The following KIRREL3 variants were observed in gnomAD, a reference collection of about 807,000 sequenced individuals.
The protein encoded by KIRREL3 is kin of IRRE-like protein 3.
Under a neutral mutation model 89.7 loss-of-function variants are expected in KIRREL3, and 36 were observed. That is an observed-to-expected ratio of 0.40 (90% CI 0.31 to 0.53). KIRREL3 has a LOEUF of 0.53. KIRREL3 is among the 20% of genes least tolerant of loss of function. The pLI is 0.49. For missense variants in KIRREL3, 864 were observed against 1,056.6 expected (o/e 0.82, Z 2.53); for synonymous variants, 445 against 441.4 (o/e 1.01, Z -0.10).
intron 6 of KIRREL3, among the ~76,000 whole-genome samples, chr11:126,460,115 G>A (rs1591576602): frequency 6.6e-6 from 1 of 152,026 alleles, no homozygotes; most frequent in Admixed American, 6.5e-5. Context: ...GGAGCAGGAG[G>A]AGGGGGAAGG....
At chr11:126,834,363 C>T (rs778640121) in intron 1 of KIRREL3, among the ~76,000 whole-genome samples, 1 of 152,164 alleles carries the variant, frequency 6.6e-6, no homozygotes, top group Non-Finnish European at 1.5e-5. Flanking sequence ...TAATCGGTAT[C>T]GTGGTTAACA....
intron 1 of KIRREL3, among the ~76,000 whole-genome samples, chr11:126,589,799 A>G (rs1163308390): frequency 2.6e-5 from 4 of 152,072 alleles, no homozygotes; most frequent in Non-Finnish European, 5.9e-5. Flanking sequence ...CAGTGACTCA[A>G]CCCACTTTAT....
At position 126,463,223 on chromosome 11, in the gene KIRREL3, C is replaced by T. The variant is rs775958454; in HGVS notation, c.676G>A (p.Val226Met). Reference protein sequence around the residue: ...PGDVENGQSIVCRATNKAIPG... With the variant: ...PGDVENGQSIMCRATNKAIPG... ...ATGGCTTTGTTGGTGGCACGACACA[C>T]GATGCTCTGGCCATTCTCCACGTCA... The change falls in exon 6 of 17, where the codon GTG becomes ATG. Residue 226 changes from valine to methionine, a missense_variant. Physicochemically the swap from Val to Met is conservative, Grantham distance 21. Transcript: ENST00000525144. The surrounding 1 kb of genome is among the most constrained non-coding windows in gnomAD (Gnocchi z 5.9). The T allele has an allele frequency of 1.5e-5, 24 of 1,613,836 alleles. No individual in the cohort carries two copies. The highest frequency in any genetic ancestry group is 2.2e-5 in the South Asian group (2 of 91,082).
rs1190033797 is a variant in KIRREL3 at position 126,664,950 on chromosome 11, C to A, written c.56-102038G>T. Among the ~76,000 whole-genome samples the A allele has an allele frequency of 1.3e-5, 2 of 152,180 alleles. No homozygotes were observed. Among genetic ancestry groups the A allele is most frequent in the Non-Finnish European group, 2.9e-5 (2 of 68,026 alleles). On this transcript the variant is annotated intron_variant, in intron 1 of 16. Coordinates refer to ENST00000525144, the MANE Select transcript of KIRREL3 (RefSeq NM_032531.4). The surrounding 1 kb of genome is among the most constrained non-coding windows in gnomAD (Gnocchi z 5.4). The stretch of plus-strand genomic sequence containing the variant: ...AATGAACTGTGCTCTTACTCTGCAG[C>A]CTTCGACACATTATTCATAACATGA...
chr11:126,836,621 C>T (rs1946074), intron 1 of KIRREL3, among the ~76,000 whole-genome samples: 131,060 of 152,264 alleles, frequency 0.86, 56,717 homozygotes, highest in East Asian at 1. Context: ...AGCCAACTTT[C>T]TGTTGTGCAT....
chr11:126,435,360 G>A, intron 12 of KIRREL3, 57 bp from the exon 13 acceptor site: 11 of 1,590,650 alleles, frequency 6.9e-6, no homozygotes, highest in Non-Finnish European at 9.5e-6. Context: ...AGGGTGGGGT[G>A]GGACTGGGAA....
rs1030708816 is a variant in KIRREL3, at chr11:126,724,555, T to G, written c.56-161643A>C. On this transcript the variant is annotated intron_variant, in intron 1 of 16. Transcript: ENST00000525144. This position sits in a 1 kb window ranked among gnomAD's most constrained non-coding sequence, Gnocchi z 4.3. Reference sequence around the variant, plus strand: ...TGGGTGGGCTCCATGAATTTCCAGCTGAAGCAACACGTTTCTGTCCCCAAG... The same window carrying G: ...TGGGTGGGCTCCATGAATTTCCAGCGGAAGCAACACGTTTCTGTCCCCAAG... 4.5e-4 allele frequency among the ~76,000 whole-genome samples: 69 copies of G among 152,076 alleles called. No individual in the cohort carries two copies. Among genetic ancestry groups the G allele is most frequent in the Admixed American group, 2.0e-3 (31 of 15,262 alleles).
Position 126,645,382 on chromosome 11 carries a change from C to T in KIRREL3, c.56-82470G>A, listed in dbSNP as rs1944627351. Among the ~76,000 whole-genome samples the T allele has an allele frequency of 1.3e-5, 2 of 152,160 alleles. No homozygotes were observed. The highest frequency in any genetic ancestry group is 6.5e-5 in the Admixed American group (1 of 15,280). On this transcript the variant is annotated intron_variant, in intron 1 of 16. Coordinates refer to ENST00000525144, the MANE Select transcript of KIRREL3 (RefSeq NM_032531.4). This position sits in a 1 kb window ranked among gnomAD's most constrained non-coding sequence, Gnocchi z 4.9. ...CCACACGGTGCTGCTGGTATGCCAG[C>T]CTTTCTCCTTCCACCGTGAGCCATT...
rs1260902729 is a variant in KIRREL3 at position 126,642,304 on chromosome 11, T to C, written c.56-79392A>G. ...TTCTGAGACCAGCAAGAGGCTCTGT[T>C]TGCGCCAAGTCTCCCTGTAAACACT... On this transcript the variant is annotated intron_variant, in intron 1 of 16. Transcript: ENST00000525144. The surrounding 1 kb of genome is among the most constrained non-coding windows in gnomAD (Gnocchi z 4.9). 6.6e-6 allele frequency among the ~76,000 whole-genome samples: 1 copy of C among 152,224 alleles called. No homozygotes were observed. The highest frequency in any genetic ancestry group is 6.5e-5 in the Admixed American group (1 of 15,290).
chr11:126,599,060 A>G (rs779148828), intron 1 of KIRREL3, among the ~76,000 whole-genome samples: 5 of 152,134 alleles, frequency 3.3e-5, no homozygotes, highest in Non-Finnish European at 7.4e-5. Flanking sequence ...CTAGAGACAC[A>G]ATAGCTTTTC....
At position 126,429,135 on chromosome 11, in the gene KIRREL3, G is replaced by T; in HGVS notation, c.1806+44C>A. 7.7e-7 allele frequency: 1 copy of T among 1,295,090 alleles called. No homozygotes were observed. Among genetic ancestry groups the T allele is most frequent in the Non-Finnish European group, 1.1e-6 (1 of 896,888 alleles). The allele number at this position is 1,295,090 out of a possible 1,614,324, so 80.2% of individuals were successfully genotyped here. ...AAGCCTCTAGTCCCAGGACCTTCTGGGAATGGAGTCACGGGATGGGATGGG... is the reference window on the plus strand; with the variant it reads ...AAGCCTCTAGTCCCAGGACCTTCTGTGAATGGAGTCACGGGATGGGATGGG... On this transcript the variant is annotated intron_variant, in intron 15 of 16. Coordinates refer to ENST00000525144, the MANE Select transcript of KIRREL3 (RefSeq NM_032531.4). This position sits in a 1 kb window ranked among gnomAD's most constrained non-coding sequence, Gnocchi z 5.2.
intron 1 of KIRREL3, among the ~76,000 whole-genome samples, chr11:126,913,236 C>G (rs1466761681): frequency 6.6e-6 from 1 of 152,228 alleles, no homozygotes; most frequent in African/African-American, 2.4e-5. Flanking sequence ...AAGGCAGTCA[C>G]TCCTCAAAAT....
Position 126,807,711 on chromosome 11 carries a change from C to T in KIRREL3, c.55+192744G>A, listed in dbSNP as rs1200711581. ...GATTTTGAAAAATCGTCCTTTAACC[C>T]ATTTCTAGGAGGCTTCTGAGATTCT... is the stretch of plus-strand genomic sequence containing the variant. On this transcript the variant is annotated intron_variant, in intron 1 of 16. Coordinates refer to ENST00000525144, the MANE Select transcript of KIRREL3 (RefSeq NM_032531.4). This position sits in a 1 kb window ranked among gnomAD's most constrained non-coding sequence, Gnocchi z 4.3. Among the ~76,000 whole-genome samples, 1 of 152,116 alleles carries T rather than the reference C, an allele frequency of 6.6e-6. No homozygotes were observed. Among genetic ancestry groups the T allele is most frequent in the Non-Finnish European group, 1.5e-5 (1 of 68,016 alleles).
At chr11:126,738,215 G>C (rs1157174311) in intron 1 of KIRREL3, among the ~76,000 whole-genome samples, 2 of 152,160 alleles carry the variant, frequency 1.3e-5, no homozygotes, top group East Asian at 3.8e-4. Context: ...ATTCATAGGG[G>C]AATGAAATTA....
At chr11:126,835,657 G>A (rs1027462320) in intron 1 of KIRREL3, among the ~76,000 whole-genome samples, 1 of 152,188 alleles carries the variant, frequency 6.6e-6, no homozygotes, top group Admixed American at 6.5e-5. Context: ...CTCAGAGGGG[G>A]ACACAGATTC....
rs181827891 is a variant in KIRREL3 at position 126,585,112 on chromosome 11, G to T, written c.56-22200C>A. 7.2e-4 allele frequency among the ~76,000 whole-genome samples: 108 copies of T among 151,012 alleles called. 2 individuals are homozygous for T. In the East Asian group the frequency reaches 0.018, roughly 24 times the overall value. On this transcript the variant is annotated intron_variant, in intron 1 of 16. Transcript: ENST00000525144. ...TTTTTTGTATTTTTAGTAGGGACGG[G>T]GTTTCATCTTGTTAGCCAGGATGGT...
rs189913065 is a variant in KIRREL3, at chr11:126,496,226, T to G, written c.434-22760A>C. 6.6e-6 allele frequency among the ~76,000 whole-genome samples: 1 copy of G among 152,364 alleles called. No individual in the cohort carries two copies. The highest frequency in any genetic ancestry group is 2.4e-5 in the African/African-American group (1 of 41,584). ...ATTTTGCAGAACTAGCCAGTCAACTTTCAAAGGTACTTTGTGCTCGGAACA... is the reference window on the plus strand; with the variant it reads ...ATTTTGCAGAACTAGCCAGTCAACTGTCAAAGGTACTTTGTGCTCGGAACA... On this transcript the variant is annotated intron_variant, in intron 4 of 16. Transcript: ENST00000525144. The surrounding 1 kb of genome is among the most constrained non-coding windows in gnomAD (Gnocchi z 4.9).
Position 126,705,957 on chromosome 11 carries a change from C to T in KIRREL3, c.56-143045G>A, listed in dbSNP as rs1947512657. Among the ~76,000 whole-genome samples the T allele has an allele frequency of 2.0e-5, 3 of 152,124 alleles. No homozygotes were observed. Among genetic ancestry groups the T allele is most frequent in the South Asian group, 2.1e-4 (1 of 4,824 alleles). On this transcript the variant is annotated intron_variant, in intron 1 of 16. Transcript: ENST00000525144. The surrounding 1 kb of genome is among the most constrained non-coding windows in gnomAD (Gnocchi z 4.3). The stretch of plus-strand genomic sequence containing the variant: ...GGCCCCTGTGCTGTGAGAAGCCTAC[C>T]CCACATGGAAATATACACAGAGGAA...
intron 1 of KIRREL3, among the ~76,000 whole-genome samples, chr11:126,975,709 T>C (rs1315761881): frequency 6.6e-6 from 1 of 152,142 alleles, no homozygotes. Context: ...TCAGACTCTC[T>C]ACAAATCTAG....
Sources: gnomAD v4.1 joint callset for allele counts (sites outside exome capture counted in the v4.1 genomes callset) on GRCh38, gnomAD v4.1.1 for gene constraint, Gnocchi (gnomAD v3.1) non-coding constraint, MANE v1.5 for transcripts, NCBI Gene and HGNC (gene_info 2026-07-23, HGNC 2026-07-21) for gene names.